SUPT3H: variants seen among roughly 807,000 people sequenced by gnomAD.
SUPT3H encodes transcription initiation protein SPT3 homolog.
SUPT3H carries 44 observed loss-of-function variants against 44.3 expected under a neutral mutation model. That is an observed-to-expected ratio of 0.99 (90% confidence interval 0.78 to 1.28). The LOEUF is 1.28. Among genes scored for constraint, SUPT3H ranks in the 50% most tolerant of loss-of-function variants. SUPT3H has a pLI of 0.00. For synonymous variants in SUPT3H, 124 were observed against 125.6 expected, an observed-to-expected ratio of 0.99 and a Z score of 0.09; for missense variants, 380 against 387.1, an observed-to-expected ratio of 0.98 and a Z score of 0.15.
At chr6:45,076,984 C>A (rs781267529) in intron 3 of SUPT3H, among the ~76,000 whole-genome samples, 48 of 152,078 alleles carry the variant, frequency 3.2e-4, no homozygotes, top group Non-Finnish European at 4.4e-4. Flanking sequence ...CCTTTTCATG[C>A]ATGCTATGTT....
chr6:45,030,516 C>T (rs1786752454), intron 3 of SUPT3H, among the ~76,000 whole-genome samples: 1 of 152,064 alleles, frequency 6.6e-6, no homozygotes, highest in Non-Finnish European at 1.5e-5. Context: ...AGAACTCTTC[C>T]TCATTTGTTT....
At chr6:45,002,563 T>C (rs1163560868) in intron 6 of SUPT3H, among the ~76,000 whole-genome samples, 1 of 152,076 alleles carries the variant, frequency 6.6e-6, no homozygotes, top group Non-Finnish European at 1.5e-5. Flanking sequence ...CCATATCCTG[T>C]TTGGGCAATG....
intron 10 of SUPT3H, among the ~76,000 whole-genome samples, chr6:44,910,147 T>C (rs7750420): frequency 6.6e-6 from 1 of 152,134 alleles, no homozygotes; most frequent in African/African-American, 2.4e-5. Flanking sequence ...ACTCTCTACC[T>C]GTCTGTAGAA....
At chr6:45,366,128 T>C (rs1795095679) in intron 1 of SUPT3H, among the ~76,000 whole-genome samples, 1 of 152,216 alleles carries the variant, frequency 6.6e-6, no homozygotes. Context: ...TTAGTTATTA[T>C]TTCATATGCT....
intron 2 of SUPT3H, among the ~76,000 whole-genome samples, chr6:45,106,927 C>T (rs1799369217): frequency 6.6e-6 from 1 of 152,108 alleles, no homozygotes. Context: ...ATCATGTAAC[C>T]ACATCCCAAT....
intron 2 of SUPT3H, among the ~76,000 whole-genome samples, chr6:45,266,872 C>T (rs1775344685): frequency 6.6e-6 from 1 of 152,034 alleles, no homozygotes; most frequent in South Asian, 2.1e-4. Context: ...CAGAATGCTC[C>T]AAAATCCAAA....
chr6:45,182,486 T>A (rs926920550), intron 2 of SUPT3H, among the ~76,000 whole-genome samples: 4 of 152,174 alleles, frequency 2.6e-5, no homozygotes, highest in African/African-American at 9.7e-5. Flanking sequence ...GATCACAATC[T>A]TCTGACCTCA....
chr6:44,965,519 G>C (rs544500959), intron 6 of SUPT3H, among the ~76,000 whole-genome samples: 4 of 152,202 alleles, frequency 2.6e-5, no homozygotes, highest in Admixed American at 1.3e-4. Flanking sequence ...ACTTGGATTT[G>C]AGGATGATGA....
At chr6:45,235,178 T>C (rs1236352901) in intron 2 of SUPT3H, among the ~76,000 whole-genome samples, 2 of 152,192 alleles carry the variant, frequency 1.3e-5, no homozygotes, top group African/African-American at 4.8e-5. Flanking sequence ...AAATGATATA[T>C]ATGTTTCCAA....
chr6:45,218,872 G>A (rs1765527179), intron 2 of SUPT3H, among the ~76,000 whole-genome samples: 1 of 152,176 alleles, frequency 6.6e-6, no homozygotes. Flanking sequence ...ACCACGTCCT[G>A]AGCCATGAAA....
intron 2 of SUPT3H, among the ~76,000 whole-genome samples, chr6:45,202,771 C>A (rs567354828): frequency 6.6e-6 from 1 of 151,996 alleles, no homozygotes; most frequent in Non-Finnish European, 1.5e-5. Flanking sequence ...ATATACAATT[C>A]TATTTAATGA....
intron 2 of SUPT3H, among the ~76,000 whole-genome samples, chr6:45,281,946 G>A (rs781693743): frequency 5.9e-5 from 9 of 152,190 alleles, no homozygotes; most frequent in Non-Finnish European, 8.8e-5. Context: ...CTGCTGTTCT[G>A]CAGCATCCAC....
chr6:45,040,589 A>C (rs1212220081), intron 3 of SUPT3H, among the ~76,000 whole-genome samples: 1 of 152,196 alleles, frequency 6.6e-6, no homozygotes, highest in Admixed American at 6.5e-5. Flanking sequence ...GGCTTTTCAA[A>C]AACAAAAACA....
At chr6:44,868,419 C>T (rs546919162) in intron 10 of SUPT3H, among the ~76,000 whole-genome samples, 4 of 152,338 alleles carry the variant, frequency 2.6e-5, no homozygotes, top group East Asian at 1.9e-4. Flanking sequence ...CCATCCATTT[C>T]AGCCTTTTAA....
chr6:45,137,844 A>T (rs910218507), intron 2 of SUPT3H, among the ~76,000 whole-genome samples: 29 of 152,138 alleles, frequency 1.9e-4, no homozygotes, highest in Non-Finnish European at 3.5e-4. Flanking sequence ...AGCACCTGCA[A>T]TAAGTGACAA....
At chr6:44,932,630 T>A (rs376643554) in intron 10 of SUPT3H, 23 bp downstream of exon 10, 14 of 1,525,144 alleles carry the variant, frequency 9.2e-6, no homozygotes, top group Non-Finnish European at 1.2e-5. Context: ...AATATAACTT[T>A]TTATAACTCT....
intron 6 of SUPT3H, among the ~76,000 whole-genome samples, chr6:44,989,622 A>G (rs1780325216): frequency 6.6e-6 from 1 of 152,116 alleles, no homozygotes; most frequent in African/African-American, 2.4e-5. Flanking sequence ...TTTCCCACAA[A>G]TAACGTACAA....
At chr6:44,883,372 G>A (rs1221164024) in intron 10 of SUPT3H, among the ~76,000 whole-genome samples, 1 of 152,088 alleles carries the variant, frequency 6.6e-6, no homozygotes, top group African/African-American at 2.4e-5. Context: ...AAGAAAATAA[G>A]AGAGGACACA....
intron 10 of SUPT3H, among the ~76,000 whole-genome samples, chr6:44,833,937 T>C (rs1407125796): frequency 6.6e-6 from 1 of 152,192 alleles, no homozygotes; most frequent in African/African-American, 2.4e-5. Context: ...GTACAGACAA[T>C]GGACCTTAAA....
Sources: gnomAD v4.1 joint callset for allele counts (sites outside exome capture counted in the v4.1 genomes callset) on GRCh38, gnomAD v4.1.1 for gene constraint, MANE v1.5 for transcripts, NCBI Gene and HGNC (gene_info 2026-07-23, HGNC 2026-07-21) for gene names.